POLR2H: variants seen among roughly 807,000 people sequenced by gnomAD.
POLR2H encodes DNA-directed RNA polymerases I, II, and III subunit RPABC3.
Under a neutral mutation model 18.1 loss-of-function variants are expected in POLR2H, and 3 were observed. The ratio of observed to expected loss-of-function variants is 0.17; its 90% CI spans 0.08 to 0.43. The LOEUF (loss-of-function observed/expected upper bound fraction) is 0.43. POLR2H is among the 20% of genes least tolerant of loss of function. The pLI, the probability that POLR2H is intolerant of heterozygous loss-of-function variation, is 0.99. For synonymous variants in POLR2H, 76 were observed against 69.0 expected (o/e 1.10, Z -0.50); for missense variants, 103 against 184.6 (o/e 0.56, Z 2.56).
intron 5 of POLR2H, 182 bp from the exon 6 acceptor site, chr3:184,367,995 T>C: frequency 2.4e-6 from 2 of 830,052 alleles, no homozygotes; most frequent in Non-Finnish European, 3.7e-6. Context: ...GGAAGATGCC[T>C]CTTCTGTTTC....
At position 184,362,983 on chromosome 3, in the gene POLR2H, G is replaced by A. The variant is rs1404565494; in HGVS notation, c.-510G>A. On this transcript the variant is annotated 5_prime_UTR_variant, in exon 2 of 6. An upstream open reading frame in the 5' UTR gains an earlier in-frame stop. Transcript: ENST00000456318. This position sits in a 1 kb window ranked among gnomAD's most constrained non-coding sequence, Gnocchi z 5.9. The stretch of plus-strand genomic sequence containing the variant: ...TCCTCGGTGCCGGCTGGAGGGGCTG[G>A]GCACCTCTGGGGCGGGGTTCTGCTC... 5.6e-6 allele frequency: 1 copy of A among 178,836 alleles called. No homozygotes were observed. The highest frequency in any genetic ancestry group is 1.9e-4 in the East Asian group (1 of 5,366). 11.1% of individuals were successfully genotyped at this position (178,836 alleles called of 1,614,324 possible).
intron 4 of POLR2H, 169 bp from the exon 5 acceptor site, chr3:184,366,548 C>T (rs1037055811): frequency 3.8e-5 from 18 of 470,130 alleles, no homozygotes; most frequent in African/African-American, 3.4e-4. Flanking sequence ...CTGTGTTAGC[C>T]AGGATGGTCT....
Position 184,364,776 on chromosome 3 carries a change from G to A in POLR2H, c.74-190G>A, listed in dbSNP as rs1461266755. On this transcript the variant is annotated intron_variant, in intron 2 of 5. Coordinates refer to ENST00000456318, the MANE Select transcript of POLR2H (RefSeq NM_006232.5). ...TGGTTGTTTTCTGGGGATTACGTTC[G>A]CTTGCCACAGTTTTTCTCCCCTTTT... 51 of 579,538 alleles carry A rather than the reference G, an allele frequency of 8.8e-5. 1 individual carries two copies. The highest frequency in any genetic ancestry group is 4.4e-4 in the Middle Eastern group (1 of 2,284). 35.9% of individuals were successfully genotyped at this position (579,538 alleles called of 1,614,324 possible). A position where few individuals can be genotyped will look rare whatever the true frequency, so the allele number is the denominator to read the frequency against.
chr3:184,365,136 A>G lies in POLR2H; in HGVS notation c.161A>G (p.Asp54Gly). The G allele has an allele frequency of 6.2e-7, 1 of 1,611,542 alleles. No homozygotes were observed. Among genetic ancestry groups the G allele is most frequent in the East Asian group, 2.2e-5 (1 of 44,852 alleles). The change falls in exon 4 of 6, where the codon GAC (aspartate) becomes GGC (glycine). Residue 54 changes from aspartate to glycine, a missense_variant. Transcript: ENST00000456318. ...NIQIYPVDLGDKFRLVIASTL... is the reference protein window; with the variant it reads ...NIQIYPVDLGGKFRLVIASTL... ...CTGATATTGCTGTTATTTTCAGGTGACAAGTTTCGGTTGGTCATAGCTAGT... is the reference window on the plus strand; with the variant it reads ...CTGATATTGCTGTTATTTTCAGGTGGCAAGTTTCGGTTGGTCATAGCTAGT...
In POLR2H at chr3:184,363,400, G is replaced by T; in HGVS notation, c.-93G>T. 2 of 1,083,478 alleles carry T rather than the reference G, an allele frequency of 1.8e-6. No individual in the cohort carries two copies. The highest frequency in any genetic ancestry group is 2.4e-5 in the East Asian group (1 of 41,662). 67.1% of individuals were successfully genotyped at this position (1,083,478 alleles called of 1,614,324 possible). On this transcript the variant is annotated 5_prime_UTR_variant, in exon 2 of 6. Coordinates refer to ENST00000456318, the MANE Select transcript of POLR2H (RefSeq NM_006232.5). ...GCCGCGCTTTCAGGAGGTGCTTTTG[G>T]TTCTCTCCGGTCTTGTCCACGCTAG...
At chr3:184,364,943 ACT>A (rs1464495872) in intron 2 of POLR2H, 21 bp from the exon 3 acceptor site, 8 of 1,545,000 alleles carry the variant, frequency 5.2e-6, no homozygotes, top group Admixed American at 5.0e-5. Context: ...TACCTCTGTC[ACT>A]CTTTTCCTGC....
In POLR2H at chr3:184,362,130, T is replaced by A. The variant is rs1056710566; in HGVS notation, c.-637T>A. 2.6e-5 allele frequency: 4 copies of A among 152,162 alleles called. No homozygotes were observed. Among genetic ancestry groups the A allele is most frequent in the Admixed American group, 1.3e-4 (2 of 15,278 alleles). The allele number at this position is 152,162 out of a possible 1,614,324, so 9.4% of individuals were successfully genotyped here. ...GGGCCGTCTTCCTCATCCTTCCTTT[T>A]CTCGGGGCTCCCGTGGGTAGGTGCA... On this transcript the variant is annotated 5_prime_UTR_variant, in exon 1 of 6. Transcript: ENST00000456318. This position sits in a 1 kb window ranked among gnomAD's most constrained non-coding sequence, Gnocchi z 5.9.
chr3:184,365,462 A>G, intron 4 of POLR2H: 1 of 546,524 alleles, frequency 1.8e-6, no homozygotes, highest in South Asian at 2.3e-5. Context: ...GGAGTTCAAG[A>G]CCAGCCTGAG....
Position 184,363,316 on chromosome 3 carries a change from T to G in POLR2H, c.-177T>G. 1 of 648,242 alleles carries G rather than the reference T, an allele frequency of 1.5e-6. No homozygotes were observed. The highest frequency in any genetic ancestry group is 2.8e-6 in the Non-Finnish European group (1 of 356,180). 40.2% of individuals were successfully genotyped at this position (648,242 alleles called of 1,614,324 possible). The stretch of plus-strand genomic sequence containing the variant: ...AGTTAAGTAGCCCCGAGCGGGAGGC[T>G]GTGGCGGAAGTGGTCGCGTTACCGC... On this transcript the variant is annotated 5_prime_UTR_variant, in exon 2 of 6. Coordinates refer to ENST00000456318, the MANE Select transcript of POLR2H (RefSeq NM_006232.5).
In POLR2H at chr3:184,363,137, C is replaced by G; in HGVS notation, c.-356C>G. The G allele has an allele frequency of 8.5e-6, 3 of 351,244 alleles. No homozygotes were observed. The highest frequency in any genetic ancestry group is 6.9e-5 in the South Asian group (3 of 43,478). The allele number at this position is 351,244 out of a possible 1,614,324, so 21.8% of individuals were successfully genotyped here. On this transcript the variant is annotated 5_prime_UTR_variant, in exon 2 of 6. Transcript: ENST00000456318. Reference sequence around the variant, plus strand: ...TTAGGCCCCCACGCATTCCAGTCTTCGGAACCCGGCCTCTGAAGAGGGCGC... The same window carrying G: ...TTAGGCCCCCACGCATTCCAGTCTTGGGAACCCGGCCTCTGAAGAGGGCGC...
At chr3:184,366,634 G>A (rs1424389813) in intron 4 of POLR2H, 83 bp from the exon 5 acceptor site, 10 of 840,150 alleles carry the variant, frequency 1.2e-5, no homozygotes, top group East Asian at 2.7e-5. Flanking sequence ...CACCACGCCC[G>A]GCTGACCAGT....
chr3:184,368,324 G>A lies in POLR2H; in HGVS notation c.*30G>A, dbSNP rs763835730. 2.1e-5 allele frequency: 33 copies of A among 1,545,994 alleles called. No homozygotes were observed. The highest frequency in any genetic ancestry group is 2.8e-5 in the Non-Finnish European group (32 of 1,140,898). On this transcript the variant is annotated 3_prime_UTR_variant, in exon 6 of 6. Transcript: ENST00000456318. ...CGCCTGAAGCCAGCCTCTCTGCCAA[G>A]TCACTCAGGTCATGGGCATTGTTCA...
Position 184,365,016 on chromosome 3 carries a change from G to A in POLR2H, c.124G>A (p.Asp42Asn), listed in dbSNP as rs1214570348. The change falls in exon 3 of 6, where the codon GAT becomes AAT. Residue 42 changes from aspartate to asparagine, a missense_variant. Physicochemically the swap from Asp to Asn is conservative, Grantham distance 23. Transcript: ENST00000456318. ...SESFKMDLIL[D>N]VNIQIYPVDL... ...ATCTTTCAAGATGGATCTAATCTTA[G>A]ATGTAAACATTCAAATTTACCCTGT... 6.2e-7 allele frequency: 1 copy of A among 1,611,224 alleles called. No individual in the cohort carries two copies. The highest frequency in any genetic ancestry group is 2.2e-5 in the East Asian group (1 of 44,868).
Position 184,365,152 on chromosome 3 carries a change from C to A in POLR2H, c.177C>A (p.Val59=). The part of the protein sequence containing the change: ...PVDLGDKFRL[V]IASTLYEDGT... ...TTTCAGGTGACAAGTTTCGGTTGGT[C>A]ATAGCTAGTACCTTGTATGAAGATG... Residue 59 remains valine (V), a synonymous_variant, in exon 4 of 6, where the codon GTC becomes GTA. Transcript: ENST00000456318. 1 of 1,613,022 alleles carries A rather than the reference C, an allele frequency of 6.2e-7. No individual in the cohort carries two copies.
chr3:184,367,406 TTA>T (rs1442443632), intron 5 of POLR2H, among the ~76,000 whole-genome samples: 4 of 152,130 alleles, frequency 2.6e-5, no homozygotes, highest in African/African-American at 9.7e-5. Context: ...GTGGTGTTTA[TTA>T]TGTTTTCTTC....
chr3:184,366,629 C>T (rs961487724), intron 4 of POLR2H, 88 bp from the exon 5 acceptor site: 7 of 783,690 alleles, frequency 8.9e-6, no homozygotes, highest in East Asian at 2.8e-5. Flanking sequence ...TGAGCCACCA[C>T]GCCCGGCTGA....
chr3:184,363,198 C>T lies in POLR2H; in HGVS notation c.-295C>T, dbSNP rs1712546258. 2 of 476,486 alleles carry T rather than the reference C, an allele frequency of 4.2e-6. No homozygotes were observed. Among genetic ancestry groups the T allele is most frequent in the Admixed American group, 3.4e-5 (1 of 29,608 alleles). The allele number at this position is 476,486 out of a possible 1,614,324, so 29.5% of individuals were successfully genotyped here. A position where few individuals can be genotyped will look rare whatever the true frequency, so the allele number is the denominator to read the frequency against. On this transcript the variant is annotated 5_prime_UTR_variant, in exon 2 of 6. Transcript: ENST00000456318. ...CAGCGGAGCGCGAGAACCCGCTCTA[C>T]AGCCTATTGCTTCCCCGCCCTGGGC...
chr3:184,366,329 C>A (rs1262832985), intron 4 of POLR2H, among the ~76,000 whole-genome samples: 1 of 149,522 alleles, frequency 6.7e-6, no homozygotes, highest in African/African-American at 2.5e-5. Context: ...CATTTAGTTA[C>A]CAGTAACCAT....
rs1281133985 is a variant in POLR2H, at chr3:184,363,197, A to G, written c.-296A>G. Reference sequence around the variant, plus strand: ...CCAGCGGAGCGCGAGAACCCGCTCTACAGCCTATTGCTTCCCCGCCCTGGG... The same window carrying G: ...CCAGCGGAGCGCGAGAACCCGCTCTGCAGCCTATTGCTTCCCCGCCCTGGG... On this transcript the variant is annotated 5_prime_UTR_variant, in exon 2 of 6. Coordinates refer to ENST00000456318, the MANE Select transcript of POLR2H (RefSeq NM_006232.5). The G allele has an allele frequency of 2.1e-6, 1 of 472,620 alleles. No homozygotes were observed. Among genetic ancestry groups the G allele is most frequent in the South Asian group, 2.0e-5 (1 of 49,286 alleles). The allele number at this position is 472,620 out of a possible 1,614,324, so 29.3% of individuals were successfully genotyped here.
Sources: gnomAD v4.1 joint callset for allele counts (sites outside exome capture counted in the v4.1 genomes callset) on GRCh38, gnomAD v4.1.1 for gene constraint, Gnocchi (gnomAD v3.1) non-coding constraint, MANE v1.5 for transcripts, NCBI Gene and HGNC (gene_info 2026-07-23, HGNC 2026-07-21) for gene names.